The following ZNF100 variants were observed in gnomAD, a reference collection of about 807,000 sequenced individuals.
ZNF100 encodes zinc finger protein 100 (Y1).
In ZNF100, 12 loss-of-function variants were observed where a neutral mutation model predicts 15.8. The ratio of observed to expected loss-of-function variants is 0.76; its 90% CI spans 0.49 to 1.23. ZNF100 has a LOEUF of 1.23. Ranked by LOEUF, ZNF100 falls within the 50% of genes most tolerant of loss-of-function variation. The pLI is 0.00. For synonymous variants in ZNF100, 226 were observed against 214.8 expected, an observed-to-expected ratio of 1.05 and a Z score of -0.45; for missense variants, 670 against 635.6, an observed-to-expected ratio of 1.05 and a Z score of -0.58.
chr19:21,761,482 T>C (rs139020329), intron 2 of ZNF100, among the ~76,000 whole-genome samples: 61 of 152,144 alleles, frequency 4.0e-4, no homozygotes, highest in Non-Finnish European at 7.1e-4. Context: ...ATGGGAAAAC[T>C]GGTATTATAC....
At chr19:21,766,318 G>C (rs958588261) in intron 1 of ZNF100, among the ~76,000 whole-genome samples, 1 of 151,654 alleles carries the variant, frequency 6.6e-6, no homozygotes, top group African/African-American at 2.4e-5. Flanking sequence ...TGGGACACAG[G>C]TGAAAAATGC....
Position 21,723,277 on chromosome 19 carries a change from T to C in ZNF100, c.*3406A>G, listed in dbSNP as rs1283880023. The C allele has an allele frequency of 6.6e-6, 1 of 150,878 alleles. No individual in the cohort carries two copies. Among genetic ancestry groups the C allele is most frequent in the African/African-American group, 2.4e-5 (1 of 40,936 alleles). 9.3% of individuals were successfully genotyped at this position (150,878 alleles called of 1,614,324 possible). A position where few individuals can be genotyped will look rare whatever the true frequency, so the allele number is the denominator to read the frequency against. Reference sequence around the variant, plus strand: ...TGGGAGGCTGAGGCAGGATAATTGCTTGAACCTGGAAGGCAGAGGTTGCAG... The same window carrying C: ...TGGGAGGCTGAGGCAGGATAATTGCCTGAACCTGGAAGGCAGAGGTTGCAG... On this transcript the variant is annotated 3_prime_UTR_variant, in exon 5 of 5. Coordinates refer to ENST00000358296, the MANE Select transcript of ZNF100 (RefSeq NM_173531.4).
At chr19:21,738,684 C>T (rs1422035984) in intron 4 of ZNF100, among the ~76,000 whole-genome samples, 4 of 152,070 alleles carry the variant, frequency 2.6e-5, no homozygotes, top group African/African-American at 4.8e-5. Flanking sequence ...TCAGGCCAGG[C>T]GCAGAGACTC....
In ZNF100 at chr19:21,724,883, C is replaced by G. The variant is rs951305494; in HGVS notation, c.*1800G>C. The stretch of plus-strand genomic sequence containing the variant: ...CTTGACTTACATTATGAAACCCTGT[C>G]TCTACTAAAATACAAAAATTAGCTG... On this transcript the variant is annotated 3_prime_UTR_variant, in exon 5 of 5. Transcript: ENST00000358296. 2 of 152,010 alleles carry G rather than the reference C, an allele frequency of 1.3e-5. No homozygotes were observed. The highest frequency in any genetic ancestry group is 4.8e-5 in the African/African-American group (2 of 41,372). The allele number at this position is 152,010 out of a possible 1,614,324, so 9.4% of individuals were successfully genotyped here.
At chr19:21,739,085 A>G (rs772139580) in intron 4 of ZNF100, among the ~76,000 whole-genome samples, 2 of 152,214 alleles carry the variant, frequency 1.3e-5, no homozygotes, top group Non-Finnish European at 2.9e-5. Flanking sequence ...CCTCCCTACC[A>G]GGTTCCACAT....
chr19:21,727,180 A>G lies in ZNF100; in HGVS notation c.1132T>C (p.Cys378Arg). The change falls in exon 5 of 5, where the codon TGT (cysteine) becomes CGT (arginine). Residue 378 changes from cysteine to arginine, a missense_variant. Physicochemically the swap from Cys to Arg is radical, Grantham distance 180 (BLOSUM62 -3). Transcript: ENST00000358296. ...GAGAATCGGTAAAAAGCTTTGCCAC[A>G]TTCTTCACATTTGTAAGGTTTCTCT... The part of the protein sequence containing the change: ...AGEKPYKCEE[C>R]GKAFYRFSYL... 1.2e-6 allele frequency: 2 copies of G among 1,613,366 alleles called. No individual in the cohort carries two copies. The highest frequency in any genetic ancestry group is 2.2e-5 in the East Asian group (1 of 44,846).
chr19:21,730,285 T>C (rs2035889380), intron 4 of ZNF100, among the ~76,000 whole-genome samples: 1 of 152,092 alleles, frequency 6.6e-6, no homozygotes, highest in African/African-American at 2.4e-5. Flanking sequence ...AGATATTGCA[T>C]GTAAATATTA....
rs753931620 is a variant in ZNF100, at chr19:21,742,297, CCA to C, written c.322+1718_322+1719del. Among the ~76,000 whole-genome samples, 529 of 123,794 alleles carry C rather than the reference CCA, an allele frequency of 4.3e-3. 6 individuals are homozygous for C. Among genetic ancestry groups the C allele is most frequent in the African/African-American group, 0.016 (508 of 31,052 alleles). 81.2% of individuals were successfully genotyped at this position (123,794 alleles called of 152,430 possible). A position where few individuals can be genotyped will look rare whatever the true frequency, so the allele number is the denominator to read the frequency against. On this transcript the variant is annotated intron_variant, in intron 4 of 4. Coordinates refer to ENST00000358296, the MANE Select transcript of ZNF100 (RefSeq NM_173531.4). The stretch of plus-strand genomic sequence containing the variant: ...CGGCGACAGAGCAAGACTCTGTCCC[CCA>C]CCCAAAAAAAAAAAAAAAAGATTTA...
rs1480149083 is a variant in ZNF100, at chr19:21,725,617, G to C, written c.*1066C>G. On this transcript the variant is annotated 3_prime_UTR_variant, in exon 5 of 5. Transcript: ENST00000358296. ...CACATGCTTTCACATGTAAATAGGA[G>C]TGAAGAAAAGGCAGGAAATAATTTA... The C allele has an allele frequency of 1.3e-5, 2 of 152,028 alleles. No homozygotes were observed. The highest frequency in any genetic ancestry group is 2.9e-5 in the Non-Finnish European group (2 of 67,974). The allele number at this position is 152,028 out of a possible 1,614,324, so 9.4% of individuals were successfully genotyped here. A position where few individuals can be genotyped will look rare whatever the true frequency, so the allele number is the denominator to read the frequency against.
rs200470015 is a variant in ZNF100, at chr19:21,727,282, G to C, written c.1030C>G (p.Pro344Ala). Residue 344 changes from proline (P) to alanine (A), a missense_variant, in exon 5 of 5, where the codon CCC becomes GCC. Coordinates refer to ENST00000358296, the MANE Select transcript of ZNF100 (RefSeq NM_173531.4). ...TTGCCACATTCTTCACATTTGTAGGGTTTCTCTCCAGTATGAATTATCCTG... is the reference window on the plus strand; with the variant it reads ...TTGCCACATTCTTCACATTTGTAGGCTTTCTCTCCAGTATGAATTATCCTG... ...THRIIHTGEK[P>A]YKCEECGKAF... is the part of the protein sequence containing the mutation. 417 of 1,613,326 alleles carry C rather than the reference G, an allele frequency of 2.6e-4. 1 individual carries two copies. Among genetic ancestry groups the C allele is most frequent in the Non-Finnish European group, 3.3e-4 (385 of 1,179,910 alleles).
Position 21,744,986 on chromosome 19 carries a change from A to G in ZNF100, c.178T>C (p.Tyr60His). The G allele has an allele frequency of 1.2e-6, 2 of 1,611,872 alleles. No homozygotes were observed. Among genetic ancestry groups the G allele is most frequent in the Non-Finnish European group, 1.7e-6 (2 of 1,179,578 alleles). The change falls in exon 3 of 5, where the codon TAT becomes CAT. Residue 60 changes from tyrosine (Y) to histidine (H), a missense_variant. Physicochemically the swap from Tyr to His is moderately conservative, Grantham distance 83. Transcript: ENST00000358296. The stretch of plus-strand genomic sequence containing the variant: ...TAGTTCTCTAACATCACTTTCCTAT[A>G]CAAACCCTGCTGAGCACTGTCCAGG... ...QCLDSAQQGL[Y>H]RKVMLENYRN...
chr19:21,757,173 C>T (rs1396936284), intron 2 of ZNF100, among the ~76,000 whole-genome samples: 1 of 152,220 alleles, frequency 6.6e-6, no homozygotes, highest in African/African-American at 2.4e-5. Flanking sequence ...CAAGGTGGCA[C>T]ATGCCTATAA....
intron 4 of ZNF100, among the ~76,000 whole-genome samples, chr19:21,731,857 T>C (rs2035925617): frequency 6.6e-6 from 1 of 152,164 alleles, no homozygotes. Context: ...GACAAATTGG[T>C]TGTTGTACAT....
Position 21,727,377 on chromosome 19 carries a change from G to A in ZNF100, c.935C>T (p.Thr312Ile), listed in dbSNP as rs746675141. 3.1e-6 allele frequency: 5 copies of A among 1,612,948 alleles called. No individual in the cohort carries two copies. The highest frequency in any genetic ancestry group is 1.7e-4 in the Middle Eastern group (1 of 6,056). Residue 312 changes from threonine (T) to isoleucine (I), a missense_variant, in exon 5 of 5, where the codon ACT becomes ATT. Thr to Ile is a moderately conservative substitution (Grantham distance 89). Transcript: ENST00000358296. Reference protein sequence around the residue: ...SHLTTHKRIHTGVKPYKCTEC... With the variant: ...SHLTTHKRIHIGVKPYKCTEC... ...TGTACATTTGTAGGGTTTCACTCCA[G>A]TATGAATTCTTTTATGTGTAGTAAG...
intron 4 of ZNF100, among the ~76,000 whole-genome samples, chr19:21,731,731 T>C (rs1339815150): frequency 6.6e-6 from 1 of 152,112 alleles, no homozygotes; most frequent in Non-Finnish European, 1.5e-5. Flanking sequence ...CTTGATGACA[T>C]TATGCAAAAT....
chr19:21,750,654 G>A lies in ZNF100; in HGVS notation c.97-5587C>T, dbSNP rs1048731370. On this transcript the variant is annotated intron_variant, in intron 2 of 4. Coordinates refer to ENST00000358296, the MANE Select transcript of ZNF100 (RefSeq NM_173531.4). Reference sequence around the variant, plus strand: ...GAGGCGGAGGCAGCGGCAGCGCGGCGAGCGTGCAGGGAGGCCGGAGCCCTG... The same window carrying A: ...GAGGCGGAGGCAGCGGCAGCGCGGCAAGCGTGCAGGGAGGCCGGAGCCCTG... The A allele has an allele frequency of 1.7e-4, 37 of 212,148 alleles. 1 individual carries two copies. Among genetic ancestry groups the A allele is most frequent in the Non-Finnish European group, 1.6e-4 (17 of 107,620 alleles). 13.1% of individuals were successfully genotyped at this position (212,148 alleles called of 1,614,324 possible). A position where few individuals can be genotyped will look rare whatever the true frequency, so the allele number is the denominator to read the frequency against.
chr19:21,738,276 A>C (rs1201596219), intron 4 of ZNF100, among the ~76,000 whole-genome samples: 2 of 137,456 alleles, frequency 1.5e-5, no homozygotes, highest in Non-Finnish European at 3.1e-5. Flanking sequence ...AAAAAAAAAA[A>C]AAAAAAAAAA....
chr19:21,728,013 T>C (rs2035845278), intron 4 of ZNF100, 24 bp from the exon 5 acceptor site: 2 of 1,472,646 alleles, frequency 1.4e-6, no homozygotes, highest in South Asian at 3.0e-5. Context: ...AAATAACAAA[T>C]TACTTTACTT....
chr19:21,748,555 T>C (rs2036250362), intron 2 of ZNF100, among the ~76,000 whole-genome samples: 1 of 152,242 alleles, frequency 6.6e-6, no homozygotes, highest in Non-Finnish European at 1.5e-5. Context: ...TTTAAAGTTT[T>C]CTGGAATAAT....
Sources: allele counts gnomAD v4.1 joint callset (sites outside exome capture counted in the v4.1 genomes callset), GRCh38; gene constraint gnomAD v4.1.1; transcripts MANE v1.5; gene names NCBI Gene and HGNC (gene_info 2026-07-23, HGNC 2026-07-21).